STRA8: variants seen among roughly 807,000 people sequenced by gnomAD.
STRA8 encodes stimulated by retinoic acid gene 8 protein homolog.
Under a neutral mutation model 37.1 loss-of-function variants are expected in STRA8, and 18 were observed. The observed-to-expected ratio is 0.48, with a 90% CI of 0.34 to 0.72. STRA8 has a LOEUF of 0.72. Ranked by LOEUF, STRA8 falls within the 30% of genes least tolerant of loss-of-function variation. The pLI is 0.01. For missense variants in STRA8, 357 were observed against 410.4 expected (o/e 0.87, Z 1.13); for synonymous variants, 168 against 162.9 (o/e 1.03, Z -0.24).
chr7:135,242,758 G>A, intron 2 of STRA8, 23 bp from the exon 3 acceptor site: 5 of 1,613,304 alleles, frequency 3.1e-6, no homozygotes, highest in Non-Finnish European at 4.2e-6. Context: ...CTGGCTTTCA[G>A]CATTGTCTCT....
intron 2 of STRA8, 49 bp downstream of exon 2, chr7:135,240,765 CG>C: frequency 6.3e-7 from 1 of 1,598,040 alleles, no homozygotes; most frequent in Non-Finnish European, 8.6e-7. Flanking sequence ...GGGAAGGAGA[CG>C]TTTTCACAGG....
intron 6 of STRA8, among the ~76,000 whole-genome samples, chr7:135,251,592 T>C (rs1276170904): frequency 6.6e-6 from 1 of 152,172 alleles, no homozygotes; most frequent in Non-Finnish European, 1.5e-5. Flanking sequence ...TGGCAGTTTG[T>C]CCTGGGCACT....
At chr7:135,252,239 CA>C (rs1397131890) in intron 7 of STRA8, among the ~76,000 whole-genome samples, 20 of 151,956 alleles carry the variant, frequency 1.3e-4, no homozygotes, top group Non-Finnish European at 2.9e-5. Context: ...TGGTGGAAGG[CA>C]AAGGGGAAAC....
At chr7:135,240,811 G>A in intron 2 of STRA8, 95 bp downstream of exon 2, 1 of 1,396,782 alleles carries the variant, frequency 7.2e-7, no homozygotes, top group Non-Finnish European at 9.8e-7. Flanking sequence ...GGACTGGCCT[G>A]GAGCTGCCAC....
intron 8 of STRA8, among the ~76,000 whole-genome samples, chr7:135,256,732 A>G (rs1441045011): frequency 3.3e-5 from 5 of 152,156 alleles, no homozygotes. Flanking sequence ...TTGAGCCTAC[A>G]AGGCAGAGGT....
chr7:135,239,281 A>G (rs1425689139), intron 1 of STRA8, among the ~76,000 whole-genome samples: 2 of 152,212 alleles, frequency 1.3e-5, no homozygotes, highest in African/African-American at 4.8e-5. Flanking sequence ...CAAAGTGTGA[A>G]AGTATAGGAA....
upstream of STRA8, chr7:135,232,062 T>C (rs780371903): frequency 4.0e-6 from 6 of 1,504,168 alleles, no homozygotes; most frequent in African/African-American, 4.2e-5. Flanking sequence ...TTAGTAACTT[T>C]CCCCCCAGGA....
intron 4 of STRA8, among the ~76,000 whole-genome samples, chr7:135,244,081 C>T (rs765375491): frequency 3.2e-4 from 48 of 152,290 alleles, no homozygotes; most frequent in Non-Finnish European, 5.3e-4. Flanking sequence ...TTTTTTGAGA[C>T]GGAGTCTCAC....
intron 3 of STRA8, 22 bp downstream of exon 3, chr7:135,242,878 A>G (rs777718452): frequency 6.2e-7 from 1 of 1,611,844 alleles, no homozygotes; most frequent in African/African-American, 1.3e-5. Flanking sequence ...CTACTTGCCA[A>G]CCCCATCTCC....
At chr7:135,249,683 C>T (rs1382476427) in intron 6 of STRA8, among the ~76,000 whole-genome samples, 1 of 152,260 alleles carries the variant, frequency 6.6e-6, no homozygotes, top group Non-Finnish European at 1.5e-5. Flanking sequence ...ACACATTTCT[C>T]AGAACTTATC....
intron 2 of STRA8, among the ~76,000 whole-genome samples, chr7:135,241,878 C>T (rs188202619): frequency 8.1e-4 from 124 of 152,258 alleles, no homozygotes; most frequent in Admixed American, 1.9e-3. Context: ...GGGATGCATG[C>T]AGCCCCTGAC....
Position 135,258,509 on chromosome 7 carries a change from C to T in STRA8, c.*17C>T, listed in dbSNP as rs200838168. The stretch of plus-strand genomic sequence containing the variant: ...GATTTGTAATGCAGAAGAGGAGCTG[C>T]GAGGGGAGGGACTGAATGAGGTGGG... On this transcript the variant is annotated 3_prime_UTR_variant, in exon 9 of 9. Coordinates refer to ENST00000662584, the MANE Select transcript of STRA8 (RefSeq NM_001394401.1). The T allele has an allele frequency of 5.4e-5, 85 of 1,574,934 alleles. No individual in the cohort carries two copies. Among genetic ancestry groups the T allele is most frequent in the African/African-American group, 1.9e-4 (14 of 74,486 alleles).
upstream of STRA8, among the ~76,000 whole-genome samples, chr7:135,233,796 T>C (rs1025967226): frequency 1.3e-5 from 2 of 152,126 alleles, no homozygotes; most frequent in African/African-American, 2.4e-5. Flanking sequence ...TGTAACGAGG[T>C]GCCAGGTCTG....
At chr7:135,251,556 C>T (rs183558003) in intron 6 of STRA8, among the ~76,000 whole-genome samples, 35 of 152,316 alleles carry the variant, frequency 2.3e-4, no homozygotes, top group Admixed American at 2.2e-3. Context: ...CCATTTCTTC[C>T]TGTCCCTCAC....
intron 7 of STRA8, among the ~76,000 whole-genome samples, chr7:135,253,852 T>C (rs1832670159): frequency 6.6e-6 from 1 of 152,162 alleles, no homozygotes; most frequent in South Asian, 2.1e-4. Context: ...GAGAGGGACA[T>C]ATCCTTGTGA....
At position 135,258,550 on chromosome 7, in the gene STRA8, A is replaced by G. The variant is rs1832735720; in HGVS notation, c.*58A>G. On this transcript the variant is annotated 3_prime_UTR_variant, in exon 9 of 9. Transcript: ENST00000662584. ...ATGAGGTGGGCAGTTCCCAAGGTTG[A>G]ATGCTGGCAGCTAAGGTTGCACCTG... The G allele has an allele frequency of 1.4e-6, 2 of 1,458,568 alleles. No homozygotes were observed. 90.4% of individuals were successfully genotyped at this position (1,458,568 alleles called of 1,614,324 possible).
At chr7:135,238,175 C>T (rs763427485) in intron 1 of STRA8, among the ~76,000 whole-genome samples, 1 of 152,174 alleles carries the variant, frequency 6.6e-6, no homozygotes, top group Non-Finnish European at 1.5e-5. Context: ...ATCTTTCCTG[C>T]GGTGTGCCCC....
chr7:135,234,363 C>T (rs898534413), intron 1 of STRA8, among the ~76,000 whole-genome samples: 42 of 152,306 alleles, frequency 2.8e-4, no homozygotes, highest in African/African-American at 8.2e-4. Flanking sequence ...TCCACCTCGG[C>T]TTCCCAAAGT....
intron 6 of STRA8, among the ~76,000 whole-genome samples, chr7:135,248,181 C>A (rs1179706290): frequency 6.6e-6 from 1 of 152,246 alleles, no homozygotes. Flanking sequence ...AGCTATCAGG[C>A]CCAAGCCTGG....
Sources: allele counts gnomAD v4.1 joint callset (sites outside exome capture counted in the v4.1 genomes callset), GRCh38; gene constraint gnomAD v4.1.1; transcripts MANE v1.5; gene names NCBI Gene and HGNC (gene_info 2026-07-23, HGNC 2026-07-21).